Variants in AVEN observed in about 807,000 individuals in gnomAD.
AVEN encodes cell death regulator Aven.
Under a neutral mutation model 38.1 loss-of-function variants are expected in AVEN, and 41 were observed. The ratio of observed to expected loss-of-function variants is 1.08; its 90% CI spans 0.84 to 1.40. The LOEUF (loss-of-function observed/expected upper bound fraction) is 1.40. Ranked by LOEUF, AVEN falls within the 40% of genes most tolerant of loss-of-function variation. The pLI, the probability that AVEN is intolerant of heterozygous loss-of-function variation, is 0.00. For synonymous variants in AVEN, 206 were observed against 171.8 expected, an observed-to-expected ratio of 1.20 and a Z score of -1.56; for missense variants, 605 against 438.8, an observed-to-expected ratio of 1.38 and a Z score of -3.38.
Position 33,866,693 on chromosome 15 carries a change from T to C in AVEN, c.1009A>G (p.Met337Val), listed in dbSNP as rs1352729906. 3.1e-6 allele frequency: 5 copies of C among 1,614,146 alleles called. No homozygotes were observed. In the South Asian group the frequency reaches 4.4e-5, roughly 14 times the overall value. ...GAGGTACTTGGTTGCTCAGGTTCCA[T>C]GTTTTTTTCTTCAGTCACAGATGGT... is the stretch of plus-strand genomic sequence containing the variant. ...AKPSVTEEKN[M>V]EPEQPSTSKN... Residue 337 changes from methionine (M) to valine (V), a missense_variant, in exon 6 of 6, where the codon ATG (methionine) becomes GTG (valine). Met to Val is a conservative substitution (Grantham distance 21). Transcript: ENST00000306730.
intron 2 of AVEN, among the ~76,000 whole-genome samples, chr15:33,895,662 T>C (rs573907181): frequency 6.6e-6 from 1 of 152,258 alleles, no homozygotes; most frequent in South Asian, 2.1e-4. Context: ...GCTGCAGTTG[T>C]ATTCTAACTG....
In AVEN at chr15:33,961,580, A is replaced by G. The variant is rs185706231; in HGVS notation, c.445+41452T>C. ...TGTAATCCCAGCACTTTGGGAGGCC[A>G]AGGTGGGCGAATCACGAGGTCAGGA... On this transcript the variant is annotated intron_variant, in intron 2 of 5. Transcript: ENST00000306730. Among the ~76,000 whole-genome samples, 966 of 151,898 alleles carry G rather than the reference A, an allele frequency of 6.4e-3. 6 individuals are homozygous for G. Among genetic ancestry groups the G allele is most frequent in the East Asian group, 0.02 (100 of 5,118 alleles).
At chr15:34,023,055 T>C (rs548336342) in intron 1 of AVEN, among the ~76,000 whole-genome samples, 14 of 152,132 alleles carry the variant, frequency 9.2e-5, no homozygotes, top group Non-Finnish European at 2.1e-4. Flanking sequence ...GGCGTGGTGG[T>C]GTGCGCCTGT....
chr15:33,920,013 C>T (rs866344928), intron 2 of AVEN, among the ~76,000 whole-genome samples: 1 of 152,120 alleles, frequency 6.6e-6, no homozygotes, highest in Non-Finnish European at 1.5e-5. Context: ...TATCCATCTC[C>T]TCCATCAGAA....
At chr15:33,948,473 A>G (rs557542663) in intron 2 of AVEN, among the ~76,000 whole-genome samples, 42 of 152,276 alleles carry the variant, frequency 2.8e-4, no homozygotes, top group African/African-American at 8.9e-4. Context: ...GCAAGGAAGC[A>G]TAAAAATAAA....
chr15:34,022,513 C>T (rs1040242390), intron 1 of AVEN, among the ~76,000 whole-genome samples: 3 of 152,166 alleles, frequency 2.0e-5, no homozygotes, highest in African/African-American at 7.2e-5. Flanking sequence ...TCCATCAGAA[C>T]AAAATGCAAA....
chr15:34,039,123 C>A lies in AVEN; in HGVS notation c.-77G>T. 2 of 1,046,610 alleles carry A rather than the reference C, an allele frequency of 1.9e-6. No individual in the cohort carries two copies. The highest frequency in any genetic ancestry group is 1.7e-5 in the African/African-American group (1 of 58,408). The allele number at this position is 1,046,610 out of a possible 1,614,324, so 64.8% of individuals were successfully genotyped here. A position where few individuals can be genotyped will look rare whatever the true frequency, so the allele number is the denominator to read the frequency against. On this transcript the variant is annotated 5_prime_UTR_variant, in exon 1 of 6. Coordinates refer to ENST00000306730, the MANE Select transcript of AVEN (RefSeq NM_020371.3). ...CGCCCTGGCCCCACCGGAAGCGGGC[C>A]GCACGGAGGAGCCGCGAGCGAAAGG...
At chr15:33,904,424 T>A (rs937110179) in intron 2 of AVEN, among the ~76,000 whole-genome samples, 1 of 152,132 alleles carries the variant, frequency 6.6e-6, no homozygotes, top group Admixed American at 6.5e-5. Flanking sequence ...TGTTTTGTTT[T>A]GTTTGAGACA....
intron 2 of AVEN, among the ~76,000 whole-genome samples, chr15:33,888,117 A>T (rs1447541007): frequency 1.3e-5 from 2 of 152,256 alleles, no homozygotes; most frequent in Non-Finnish European, 1.5e-5. Context: ...TATGAAAAAA[A>T]ATATAAAGCT....
At chr15:33,994,310 C>T (rs1482832325) in intron 2 of AVEN, among the ~76,000 whole-genome samples, 1 of 152,224 alleles carries the variant, frequency 6.6e-6, no homozygotes, top group Non-Finnish European at 1.5e-5. Flanking sequence ...TTATGAGAAT[C>T]TAAGGCCTGA....
Position 33,870,999 on chromosome 15 carries a change from A to C in AVEN, c.548T>G (p.Leu183Trp), listed in dbSNP as rs1232129818. Residue 183 changes from leucine to tryptophan, a missense_variant, in exon 4 of 6, where the codon TTG becomes TGG. Physicochemically the swap from Leu to Trp is moderately conservative, Grantham distance 61. Coordinates refer to ENST00000306730, the MANE Select transcript of AVEN (RefSeq NM_020371.3). ...NSAFYVDSEL[L>W]VRALQELPLC... ...AGGCAGCTCTTGAAGGGCTCGAACC[A>C]ATAACTCACTATCCACATAAAATGC... 6.2e-7 allele frequency: 1 copy of C among 1,606,950 alleles called. No homozygotes were observed. Among genetic ancestry groups the C allele is most frequent in the African/African-American group, 1.3e-5 (1 of 74,786 alleles).
intron 3 of AVEN, among the ~76,000 whole-genome samples, chr15:33,871,333 G>A (rs1036280702): frequency 9.9e-5 from 15 of 152,258 alleles, no homozygotes; most frequent in African/African-American, 2.9e-4. Context: ...TCAGGAGGCC[G>A]AGGCGGGTGA....
intron 1 of AVEN, among the ~76,000 whole-genome samples, chr15:34,024,845 AG>A (rs1289307864): frequency 6.8e-6 from 1 of 147,622 alleles, no homozygotes; most frequent in Non-Finnish European, 1.5e-5. Context: ...TGGGCGACAA[AG>A]CAAGACTCCT....
chr15:33,864,540 G>C (rs1332659216), downstream of AVEN, among the ~76,000 whole-genome samples: 1 of 151,154 alleles, frequency 6.6e-6, no homozygotes, highest in Non-Finnish European at 1.5e-5. Flanking sequence ...TGAGAGACAG[G>C]CTAAGAAAGA....
Position 33,866,523 on chromosome 15 carries a change from T to A in AVEN, c.*90A>T. The A allele has an allele frequency of 1.1e-6, 1 of 907,162 alleles. No homozygotes were observed. Among genetic ancestry groups the A allele is most frequent in the Non-Finnish European group, 1.8e-6 (1 of 566,172 alleles). 56.2% of individuals were successfully genotyped at this position (907,162 alleles called of 1,614,324 possible). On this transcript the variant is annotated 3_prime_UTR_variant, in exon 6 of 6. Coordinates refer to ENST00000306730, the MANE Select transcript of AVEN (RefSeq NM_020371.3). ...GGAACACACTAGCTTGAGACATGCT[T>A]GTAAACTGGCTGGTCCTGAAGGACA...
intron 2 of AVEN, among the ~76,000 whole-genome samples, chr15:33,938,050 CTATT>C (rs1894162071): frequency 6.7e-6 from 1 of 150,208 alleles, no homozygotes; most frequent in African/African-American, 2.4e-5. Context: ...AAATCATAAA[CTATT>C]TAAAATAAAG....
chr15:33,860,770 C>A, intron 11 of AVEN: 1 of 872,746 alleles, frequency 1.1e-6, no homozygotes, highest in Non-Finnish European at 1.8e-6. Flanking sequence ...TAAGCAAGAA[C>A]GCAGTTTGTT....
At chr15:33,917,953 A>G (rs1487672275) in intron 2 of AVEN, among the ~76,000 whole-genome samples, 2 of 152,246 alleles carry the variant, frequency 1.3e-5, no homozygotes, top group African/African-American at 4.8e-5. Context: ...CTAAAAATTT[A>G]TTGAAATAGA....
At chr15:33,930,954 CAAAAAA>C (rs61006422) in intron 2 of AVEN, among the ~76,000 whole-genome samples, 29,538 of 112,428 alleles carry the variant, frequency 0.26, 3,112 homozygotes, top group Middle Eastern at 0.4. Context: ...GACTCTGTCT[CAAAAAA>C]AAAAAAAAAA....
Sources: gnomAD v4.1 joint callset for allele counts (sites outside exome capture counted in the v4.1 genomes callset) on GRCh38, gnomAD v4.1.1 for gene constraint, MANE v1.5 for transcripts, NCBI Gene and HGNC (gene_info 2026-07-23, HGNC 2026-07-21) for gene names.